PTPRD: variants seen among roughly 807,000 people sequenced by gnomAD.
The protein encoded by PTPRD is receptor-type tyrosine-protein phosphatase delta.
In PTPRD, 34 loss-of-function variants were observed where a neutral mutation model predicts 214.5. The observed-to-expected ratio is 0.16, with a 90% CI of 0.12 to 0.21. PTPRD has a LOEUF of 0.21. PTPRD is among the 10% of genes least tolerant of loss of function. The pLI is 1.00. For synonymous variants in PTPRD, 1,128 were observed against 845.7 expected (o/e 1.33, Z -5.79); for missense variants, 2,545 against 2,398.7 (o/e 1.06, Z -1.27).
chr9:8,836,166 T>C (rs970395584), intron 11 of PTPRD, among the ~76,000 whole-genome samples: 1 of 152,164 alleles, frequency 6.6e-6, no homozygotes, highest in African/African-American at 2.4e-5. Flanking sequence ...GGTGGCTAAA[T>C]TGGAAAATAA....
intron 7 of PTPRD, among the ~76,000 whole-genome samples, chr9:9,585,677 C>T (rs896691677): frequency 4.6e-5 from 7 of 151,988 alleles, no homozygotes; most frequent in African/African-American, 1.7e-4. Flanking sequence ...AATCATTTTT[C>T]AAGCCCAACA....
intron 2 of PTPRD, among the ~76,000 whole-genome samples, chr9:10,483,595 T>C (rs770829430): frequency 1.3e-5 from 2 of 151,500 alleles, no homozygotes; most frequent in Non-Finnish European, 2.9e-5. Context: ...AATAACCCCA[T>C]GAAAAAGTGG....
At chr9:10,362,002 T>C (rs936868809) in intron 2 of PTPRD, among the ~76,000 whole-genome samples, 1 of 152,188 alleles carries the variant, frequency 6.6e-6, no homozygotes, top group Non-Finnish European at 1.5e-5. Context: ...GTCAGCATTT[T>C]CATGTTCATG....
chr9:8,337,395 A>G (rs922660812), intron 43 of PTPRD, among the ~76,000 whole-genome samples: 24 of 152,130 alleles, frequency 1.6e-4, no homozygotes, highest in Admixed American at 1.4e-3. Context: ...GTGGGAGTTG[A>G]ACAATGAGAA....
chr9:8,507,143 G>T (rs1314900129), intron 22 of PTPRD, among the ~76,000 whole-genome samples, 158 bp downstream of exon 22: 3 of 151,794 alleles, frequency 2.0e-5, no homozygotes, highest in Non-Finnish European at 4.4e-5. Flanking sequence ...GGTTTTTCTT[G>T]GGGGGGAGGG....
chr9:8,375,370 C>T (rs77686805), intron 39 of PTPRD, among the ~76,000 whole-genome samples: 4,346 of 152,016 alleles, frequency 0.029, 118 homozygotes, highest in South Asian at 0.14. Flanking sequence ...GTACATAAAA[C>T]GACTTCTTCC....
At chr9:8,448,685 A>G (rs1451150482) in intron 34 of PTPRD, among the ~76,000 whole-genome samples, 1 of 152,208 alleles carries the variant, frequency 6.6e-6, no homozygotes, top group East Asian at 1.9e-4. Context: ...ATTTCTTTCA[A>G]TTGAAGAGTT....
Position 9,544,539 on chromosome 9 carries a change from C to A in PTPRD, c.-237+30193G>T, listed in dbSNP as rs551475777. ...AATGATGCTAAAAGCAGTTTGAGAA[C>A]ATCTCTCGACTGTGTCTTCAAATGT... On this transcript the variant is annotated intron_variant, in intron 8 of 45. Transcript: ENST00000381196. Among the ~76,000 whole-genome samples the A allele has an allele frequency of 7.3e-5, 11 of 151,706 alleles. No individual in the cohort carries two copies. The South Asian group carries it at 2.1e-3, about 29-fold the overall frequency.
In PTPRD at chr9:8,612,302, A is replaced by G. The variant is rs148585270; in HGVS notation, c.352+21015T>C. Among the ~76,000 whole-genome samples, 742 of 152,288 alleles carry G rather than the reference A, an allele frequency of 4.9e-3. 4 individuals carry two copies. Among genetic ancestry groups the G allele is most frequent in the Non-Finnish European group, 6.8e-3 (464 of 68,016 alleles). ...TTCATATTCCATTGTTTGCTTTTGTATGTTTGGCCATATCAATTCAAAAGC... is the reference window on the plus strand; with the variant it reads ...TTCATATTCCATTGTTTGCTTTTGTGTGTTTGGCCATATCAATTCAAAAGC... On this transcript the variant is annotated intron_variant, in intron 14 of 45. Transcript: ENST00000381196.
In PTPRD at chr9:8,767,217, G is replaced by A. The variant is rs1333105650; in HGVS notation, c.-103-33271C>T. ...ACCGCAACCTCCGCCTCCCAGGTTT[G>A]AGTGATTCTCCTGCCTCAGCCTCCC... On this transcript the variant is annotated intron_variant, in intron 11 of 45. Coordinates refer to ENST00000381196, the MANE Select transcript of PTPRD (RefSeq NM_002839.4). 3.3e-5 allele frequency among the ~76,000 whole-genome samples: 5 copies of A among 151,934 alleles called. No homozygotes were observed. In the East Asian group the frequency reaches 7.7e-4, roughly 24 times the overall value.
chr9:8,862,965 T>C (rs1036430247), intron 11 of PTPRD, among the ~76,000 whole-genome samples: 2 of 152,150 alleles, frequency 1.3e-5, no homozygotes, highest in Non-Finnish European at 2.9e-5. Context: ...TACCTAATGC[T>C]AGATGACGCG....
At chr9:9,058,509 C>T (rs975421085) in intron 10 of PTPRD, among the ~76,000 whole-genome samples, 2 of 118,792 alleles carry the variant, frequency 1.7e-5, no homozygotes, top group Admixed American at 2.5e-4. Context: ...AGTGCAGAGG[C>T]GCGATCTCGG....
At chr9:9,589,244 C>A (rs2092446807) in intron 7 of PTPRD, among the ~76,000 whole-genome samples, 1 of 151,762 alleles carries the variant, frequency 6.6e-6, no homozygotes, top group Admixed American at 6.6e-5. Flanking sequence ...TAGCATACAG[C>A]AGACAAAATC....
At chr9:8,919,015 A>G (rs1443065856) in intron 11 of PTPRD, among the ~76,000 whole-genome samples, 1 of 152,198 alleles carries the variant, frequency 6.6e-6, no homozygotes, top group Non-Finnish European at 1.5e-5. Context: ...GAGGATTTCT[A>G]AACCCACAGT....
Position 9,673,998 on chromosome 9 carries a change from G to A in PTPRD, c.-287+60535C>T, listed in dbSNP as rs561452130. ...TTACAGATAAGCAAACAGTGGGAAA[G>A]TTTAGTCTCCCAGATCTTGTTGGAG... On this transcript the variant is annotated intron_variant, in intron 7 of 45. Transcript: ENST00000381196. Among the ~76,000 whole-genome samples the A allele has an allele frequency of 2.7e-3, 403 of 151,944 alleles. 2 individuals are homozygous for A. The highest frequency in any genetic ancestry group is 9.1e-3 in the African/African-American group (377 of 41,546).
In PTPRD at chr9:10,095,994, G is replaced by C. The variant is rs577712583; in HGVS notation, c.-544-62204C>G. ...GAACTCATCTGTTCCCATTCTATGTGAATTCTGTATATTCCTTTGCCCTAT... is the reference window on the plus strand; with the variant it reads ...GAACTCATCTGTTCCCATTCTATGTCAATTCTGTATATTCCTTTGCCCTAT... On this transcript the variant is annotated intron_variant, in intron 3 of 45. Coordinates refer to ENST00000381196, the MANE Select transcript of PTPRD (RefSeq NM_002839.4). 4.6e-5 allele frequency among the ~76,000 whole-genome samples: 7 copies of C among 151,614 alleles called. 1 individual carries two copies. The South Asian group carries it at 1.5e-3, about 31-fold the overall frequency.
In PTPRD at chr9:8,486,532, A is replaced by C. The variant is rs560842478; in HGVS notation, c.2468-183T>G. 3.2e-4 allele frequency: 230 copies of C among 717,842 alleles called. 1 individual carries two copies. The highest frequency in any genetic ancestry group is 3.2e-3 in the South Asian group (215 of 68,092). The allele number at this position is 717,842 out of a possible 1,614,324, so 44.5% of individuals were successfully genotyped here. ...AATATGCTCCTTGTCTTACTTTATT[A>C]AAGTAGGCTGAGATACTAGAATTTG... On this transcript the variant is annotated intron_variant, in intron 27 of 45. Coordinates refer to ENST00000381196, the MANE Select transcript of PTPRD (RefSeq NM_002839.4).
intron 5 of PTPRD, among the ~76,000 whole-genome samples, chr9:9,876,298 T>C (rs1030781688): frequency 3.3e-5 from 5 of 152,116 alleles, no homozygotes; most frequent in African/African-American, 9.7e-5. Flanking sequence ...AGAATCCTAC[T>C]AAATGAAACA....
At position 8,517,958 on chromosome 9, in the gene PTPRD, G is replaced by A. The variant is rs1425203347; in HGVS notation, c.1433C>T (p.Thr478Ile). 6.2e-7 allele frequency: 1 copy of A among 1,614,188 alleles called. No individual in the cohort carries two copies. The highest frequency in any genetic ancestry group is 1.7e-5 in the Admixed American group (1 of 60,024). Residue 478 changes from threonine (T) to isoleucine (I), a missense_variant, in exon 21 of 46, where the codon ACT (threonine) becomes ATT (isoleucine). Transcript: ENST00000381196. ...KHNVADSQIT[T>I]IGNLVPQKTY... ...TTTCTGGGGCACTAAGTTGCCAATA[G>A]TAGTGATTTGGCTGTCAGCTACATT...
Sources: gnomAD v4.1 joint callset for allele counts (sites outside exome capture counted in the v4.1 genomes callset) on GRCh38, gnomAD v4.1.1 for gene constraint, MANE v1.5 for transcripts, NCBI Gene and HGNC (gene_info 2026-07-23, HGNC 2026-07-21) for gene names.